AGTPBP1: variants seen among roughly 807,000 people sequenced by gnomAD.
AGTPBP1 encodes the protein cytosolic carboxypeptidase 1.
Under a neutral mutation model 143.9 loss-of-function variants are expected in AGTPBP1, and 70 were observed. The ratio of observed to expected loss-of-function variants is 0.49; its 90% CI spans 0.40 to 0.59. The LOEUF (loss-of-function observed/expected upper bound fraction) is 0.59, where lower values mean the gene tolerates loss of function less well. Among genes scored for constraint, AGTPBP1 ranks in the 20% least tolerant of loss-of-function variants. The pLI, the probability that AGTPBP1 is intolerant of heterozygous loss-of-function variation, is 0.00. For synonymous variants in AGTPBP1, 463 were observed against 500.2 expected (o/e 0.93, Z 0.99); for missense variants, 1,229 against 1,464.5 (o/e 0.84, Z 2.62).
intron 2 of AGTPBP1, among the ~76,000 whole-genome samples, chr9:85,702,727 T>C (rs1362270982): frequency 6.6e-6 from 1 of 152,022 alleles, no homozygotes; most frequent in East Asian, 1.9e-4. Context: ...ATTGGTAACT[T>C]GTATAAGCTC....
At chr9:85,789,294 AAAATT>A in the AGTPBP1 span, among the ~76,000 whole-genome samples, 3 of 152,180 alleles carry the variant, frequency 2.0e-5, no homozygotes, top group Non-Finnish European at 2.9e-5. Context: ...AGGAAAGAAA[AAAATT>A]AAACACCTAC....
intron 3 of AGTPBP1, among the ~76,000 whole-genome samples, chr9:85,686,655 G>C (rs1207452827): frequency 5.3e-5 from 8 of 152,088 alleles, no homozygotes. Context: ...ATTCTAATAT[G>C]TATAAACATA....
chr9:85,613,139 A>G (rs1480814280), intron 17 of AGTPBP1, among the ~76,000 whole-genome samples: 1 of 152,144 alleles, frequency 6.6e-6, no homozygotes, highest in East Asian at 1.9e-4. Context: ...AGGATACCAC[A>G]TTACATACAA....
At chr9:85,663,839 C>T (rs1477949082) in intron 8 of AGTPBP1, among the ~76,000 whole-genome samples, 3 of 151,998 alleles carry the variant, frequency 2.0e-5, no homozygotes, top group Non-Finnish European at 2.9e-5. Context: ...TGTGTGAATG[C>T]TTATATACCC....
At chr9:85,654,431 T>G (rs915459772) in intron 11 of AGTPBP1, among the ~76,000 whole-genome samples, 6 of 152,274 alleles carry the variant, frequency 3.9e-5, no homozygotes, top group Middle Eastern at 3.4e-3. Context: ...CATAGTAATT[T>G]TGGTGATTAG....
intron 10 of AGTPBP1, 23 bp from the exon 11 acceptor site, chr9:85,655,343 G>C (rs1175543592): frequency 1.2e-5 from 17 of 1,468,086 alleles, no homozygotes; most frequent in Non-Finnish European, 3.6e-6. Context: ...AAAAGAAAAA[G>C]AAAAAGAATG....
chr9:85,779,024 T>A, the AGTPBP1 span, among the ~76,000 whole-genome samples: 1 of 152,026 alleles, frequency 6.6e-6, no homozygotes, highest in African/African-American at 2.4e-5. Context: ...GTCCTTAGCA[T>A]TTTTGGGTCT....
At chr9:85,556,633 A>G in intron 25 of AGTPBP1, among the ~76,000 whole-genome samples, 1 of 152,192 alleles carries the variant, frequency 6.6e-6, no homozygotes, top group Non-Finnish European at 1.5e-5. Flanking sequence ...GATGGAAAAG[A>G]TATTATGCAA....
chr9:85,636,142 T>TA (rs1170112320), intron 13 of AGTPBP1, among the ~76,000 whole-genome samples: 1 of 151,496 alleles, frequency 6.6e-6, no homozygotes, highest in Non-Finnish European at 1.5e-5. Context: ...AAAGAAACAT[T>TA]AGATATTGAA....
At chr9:85,572,165 T>C in intron 25 of AGTPBP1, among the ~76,000 whole-genome samples, 1 of 151,860 alleles carries the variant, frequency 6.6e-6, no homozygotes, top group East Asian at 1.9e-4. Flanking sequence ...TAGCTGGGAC[T>C]ACAAGCGCAC....
intron 8 of AGTPBP1, among the ~76,000 whole-genome samples, chr9:85,664,917 T>C (rs1834045037): frequency 6.6e-6 from 1 of 152,150 alleles, no homozygotes; most frequent in Non-Finnish European, 1.5e-5. Context: ...CCATGATCCA[T>C]CAAAAACTTT....
Position 85,561,833 on chromosome 9 carries a change from A to T in AGTPBP1, c.3503+13482T>A, listed in dbSNP as rs572829818. The stretch of plus-strand genomic sequence containing the variant: ...GTCCAAAAAAAAAGATAAAAGTACA[A>T]TTTTTTTTTTTTTTTTTGAGAAGGA... On this transcript the variant is annotated intron_variant, in intron 25 of 25. Transcript: ENST00000357081. Among the ~76,000 whole-genome samples the T allele has an allele frequency of 2.1e-5, 3 of 139,974 alleles. No individual in the cohort carries two copies. In the East Asian group the frequency reaches 6.2e-4, roughly 29 times the overall value. 91.8% of individuals were successfully genotyped at this position (139,974 alleles called of 152,430 possible).
intron 2 of AGTPBP1, among the ~76,000 whole-genome samples, chr9:85,704,618 G>T (rs1466482991): frequency 6.6e-6 from 1 of 152,068 alleles, no homozygotes; most frequent in African/African-American, 2.4e-5. Context: ...ACACTTTTTT[G>T]AAGTAACTTA....
chr9:85,735,477 T>C (rs772993158), intron 1 of AGTPBP1, among the ~76,000 whole-genome samples: 8 of 152,204 alleles, frequency 5.3e-5, no homozygotes, highest in Non-Finnish European at 1.2e-4. Context: ...CGCACAACAA[T>C]GTGAATATAC....
At chr9:85,624,059 C>A (rs1254260565) in intron 14 of AGTPBP1, among the ~76,000 whole-genome samples, 1 of 152,112 alleles carries the variant, frequency 6.6e-6, no homozygotes, top group Admixed American at 6.5e-5. Flanking sequence ...TGGCCACCAG[C>A]AAAATTGTAC....
intron 14 of AGTPBP1, among the ~76,000 whole-genome samples, chr9:85,621,835 G>A (rs751349804): frequency 2.0e-5 from 3 of 152,088 alleles, no homozygotes; most frequent in Non-Finnish European, 4.4e-5. Context: ...ATGATTCCCT[G>A]AGCATGCAAA....
chr9:85,589,818 A>G, intron 19 of AGTPBP1, 137 bp from the exon 20 acceptor site: 1 of 819,714 alleles, frequency 1.2e-6, no homozygotes, highest in Non-Finnish European at 1.9e-6. Flanking sequence ...TCAGGGCCAG[A>G]TGTAGCCTAA....
At position 85,665,987 on chromosome 9, in the gene AGTPBP1, T is replaced by C. The variant is rs185111817; in HGVS notation, c.662+3498A>G. On this transcript the variant is annotated intron_variant, in intron 8 of 25. Transcript: ENST00000357081. ...TTTTAAAATGTTAGATTTATTGAAA[T>C]GCATAGTTTGTAGTTAATTAATTAA... Among the ~76,000 whole-genome samples the C allele has an allele frequency of 1.1e-4, 17 of 152,280 alleles. 1 individual carries two copies. In the Middle Eastern group the frequency reaches 0.024, roughly 213 times the overall value.
At chr9:85,676,909 T>G (rs562713071) in intron 6 of AGTPBP1, among the ~76,000 whole-genome samples, 4 of 152,236 alleles carry the variant, frequency 2.6e-5, no homozygotes, top group Admixed American at 2.6e-4. Flanking sequence ...CTGGAGGACA[T>G]TATGTTAAGT....
Sources: allele counts gnomAD v4.1 joint callset (sites outside exome capture counted in the v4.1 genomes callset), GRCh38; gene constraint gnomAD v4.1.1; transcripts MANE v1.5; gene names NCBI Gene and HGNC (gene_info 2026-07-23, HGNC 2026-07-21).